Variants in ACTR2 observed in about 807,000 individuals in gnomAD.
ACTR2 encodes actin-related protein 2.
In ACTR2, 5 loss-of-function variants were observed where a neutral mutation model predicts 50.2. The observed-to-expected ratio is 0.10, with a 90% CI of 0.05 to 0.21. The LOEUF (loss-of-function observed/expected upper bound fraction) is 0.21, where lower values mean the gene tolerates loss of function less well. Ranked by LOEUF, ACTR2 falls within the 10% of genes least tolerant of loss-of-function variation. The pLI, the probability that ACTR2 is intolerant of heterozygous loss-of-function variation, is 1.00. For synonymous variants in ACTR2, 140 were observed against 162.9 expected (o/e 0.86, Z 1.07); for missense variants, 180 against 480.6 (o/e 0.37, Z 5.85).
intron 3 of ACTR2, among the ~76,000 whole-genome samples, chr2:65,250,629 C>T (rs528883741): frequency 4.2e-5 from 6 of 143,246 alleles, no homozygotes; most frequent in African/African-American, 1.3e-4. Context: ...GCCAAGATTG[C>T]GCCACTGCAC....
At chr2:65,232,251 G>T (rs28377971) in intron 1 of ACTR2, among the ~76,000 whole-genome samples, 15,423 of 152,214 alleles carry the variant, frequency 0.1, 881 homozygotes, top group Middle Eastern at 0.17. Flanking sequence ...CATCAGCATT[G>T]AGTTAGATCA....
chr2:65,246,854 T>G, intron 3 of ACTR2, 115 bp downstream of exon 3: 1 of 764,870 alleles, frequency 1.3e-6, no homozygotes, highest in South Asian at 1.9e-5. Flanking sequence ...TTCCTTCAGA[T>G]CTTATTAAGT....
At chr2:65,252,760 A>G (rs1448261472) in intron 4 of ACTR2, among the ~76,000 whole-genome samples, 1 of 152,154 alleles carries the variant, frequency 6.6e-6, no homozygotes, top group Non-Finnish European at 1.5e-5. Flanking sequence ...CTGTATCTCC[A>G]GAGTTTGAGA....
chr2:65,250,673 A>G (rs1672030720), intron 3 of ACTR2, among the ~76,000 whole-genome samples: 1 of 19,860 alleles, frequency 5.0e-5, no homozygotes, highest in African/African-American at 1.0e-4. Context: ...ACTTCATCTC[A>G]AAAAAAAAAA....
At chr2:65,243,625 C>T (rs1671881849) in intron 2 of ACTR2, among the ~76,000 whole-genome samples, 1 of 151,978 alleles carries the variant, frequency 6.6e-6, no homozygotes, top group Admixed American at 6.6e-5. Flanking sequence ...CAAAACCCTG[C>T]CTCTATTAGT....
At chr2:65,265,209 C>G (rs1190976504) in intron 8 of ACTR2, 34 bp downstream of exon 8, 1 of 1,611,066 alleles carries the variant, frequency 6.2e-7, no homozygotes, top group African/African-American at 1.3e-5. Context: ...TACTAACATT[C>G]TTTTAAAAGG....
At position 65,268,833 on chromosome 2, in the gene ACTR2, C is replaced by A; in HGVS notation, c.*99C>A. On this transcript the variant is annotated 3_prime_UTR_variant, in exon 9 of 9. Transcript: ENST00000260641. ...ACTCCAGGACATGGAAGAGGCCTCT[C>A]TCTGCCCTTTGACTGGAAAGGTCAA... 1 of 1,302,998 alleles carries A rather than the reference C, an allele frequency of 7.7e-7. No individual in the cohort carries two copies. The highest frequency in any genetic ancestry group is 1.1e-6 in the Non-Finnish European group (1 of 942,388). 80.7% of individuals were successfully genotyped at this position (1,302,998 alleles called of 1,614,324 possible).
chr2:65,267,024 C>G (rs1558630653), intron 8 of ACTR2, among the ~76,000 whole-genome samples: 1 of 152,120 alleles, frequency 6.6e-6, no homozygotes, highest in Admixed American at 6.5e-5. Flanking sequence ...AGCAATAACT[C>G]ATATTACCAA....
In ACTR2 at chr2:65,270,380, G is replaced by A. The variant is rs1248439273; in HGVS notation, c.*1646G>A. 2 of 152,492 alleles carry A rather than the reference G, an allele frequency of 1.3e-5. No homozygotes were observed. The highest frequency in any genetic ancestry group is 1.5e-5 in the Non-Finnish European group (1 of 68,020). 9.4% of individuals were successfully genotyped at this position (152,492 alleles called of 1,614,324 possible). A position where few individuals can be genotyped will look rare whatever the true frequency, so the allele number is the denominator to read the frequency against. On this transcript the variant is annotated 3_prime_UTR_variant, in exon 9 of 9. Coordinates refer to ENST00000260641, the MANE Select transcript of ACTR2 (RefSeq NM_005722.4). ...TGTTAATATTAAGTGTTTTTTGTCT[G>A]TTTTACCTCAATTTGAACAGATAAG...
At chr2:65,260,932 G>C (rs887313305) in intron 6 of ACTR2, among the ~76,000 whole-genome samples, 6 of 151,860 alleles carry the variant, frequency 4.0e-5, no homozygotes, top group Admixed American at 6.6e-5. Flanking sequence ...GGGTTTCATT[G>C]TGTTAGTCAG....
At chr2:65,268,324 G>A (rs1672424000) in intron 8 of ACTR2, among the ~76,000 whole-genome samples, 1 of 152,066 alleles carries the variant, frequency 6.6e-6, no homozygotes, top group Admixed American at 6.6e-5. Context: ...AATAATGATG[G>A]GACACCACGT....
chr2:65,255,404 G>T, intron 5 of ACTR2, 141 bp from the exon 6 acceptor site: 2 of 638,488 alleles, frequency 3.1e-6, no homozygotes, highest in East Asian at 2.8e-5. Flanking sequence ...ATAAAATCCT[G>T]CTTCTGAAAT....
chr2:65,251,530 T>G (rs988651718), intron 4 of ACTR2, among the ~76,000 whole-genome samples: 1 of 152,142 alleles, frequency 6.6e-6, no homozygotes, highest in Non-Finnish European at 1.5e-5. Flanking sequence ...CCTGGCTAAT[T>G]TTGTATTTTT....
At chr2:65,237,412 T>G (rs1558620787) in intron 1 of ACTR2, among the ~76,000 whole-genome samples, 1 of 152,206 alleles carries the variant, frequency 6.6e-6, no homozygotes, top group East Asian at 1.9e-4. Context: ...TTTAAATTTT[T>G]TGTAATTTTT....
rs1466557635 is a variant in ACTR2, at chr2:65,270,130, A to T, written c.*1396A>T. 6.6e-6 allele frequency: 1 copy of T among 152,252 alleles called. No individual in the cohort carries two copies. Among genetic ancestry groups the T allele is most frequent in the East Asian group, 1.9e-4 (1 of 5,198 alleles). 9.4% of individuals were successfully genotyped at this position (152,252 alleles called of 1,614,324 possible). ...TGAGTTATTTCTAAGTTTGAAAAAT[A>T]AAAAGAAATTGCATCACACTAATTA... is the stretch of plus-strand genomic sequence containing the variant. On this transcript the variant is annotated 3_prime_UTR_variant, in exon 9 of 9. Coordinates refer to ENST00000260641, the MANE Select transcript of ACTR2 (RefSeq NM_005722.4).
rs185560477 is a variant in ACTR2, at chr2:65,267,829, A to C, written c.1015-735A>C. Among the ~76,000 whole-genome samples, 34 of 145,874 alleles carry C rather than the reference A, an allele frequency of 2.3e-4. No individual in the cohort carries two copies. In the East Asian group the frequency reaches 6.5e-3, roughly 28 times the overall value. On this transcript the variant is annotated intron_variant, in intron 8 of 8. Transcript: ENST00000260641. ...TATTGCCCTGGACTAGAATCATAAC[A>C]GTATGAGACCTTGAAGAAGTCATGC... is the stretch of plus-strand genomic sequence containing the variant.
chr2:65,238,842 C>T (rs1390516271), intron 1 of ACTR2, among the ~76,000 whole-genome samples: 1 of 151,850 alleles, frequency 6.6e-6, no homozygotes, highest in Non-Finnish European at 1.5e-5. Context: ...GTGGTGGGTG[C>T]CTGTAATCCC....
At position 65,270,212 on chromosome 2, in the gene ACTR2, A is replaced by T. The variant is rs1233134837; in HGVS notation, c.*1478A>T. The T allele has an allele frequency of 2.0e-5, 3 of 152,552 alleles. No individual in the cohort carries two copies. Among genetic ancestry groups the T allele is most frequent in the Non-Finnish European group, 2.9e-5 (2 of 68,034 alleles). The allele number at this position is 152,552 out of a possible 1,614,324, so 9.4% of individuals were successfully genotyped here. ...TTCATTTTAAAACTTTTTTTTAACT[A>T]ATAATAGCTTTGAAAGAAGAGGCTT... On this transcript the variant is annotated 3_prime_UTR_variant, in exon 9 of 9. Transcript: ENST00000260641.
intron 3 of ACTR2, among the ~76,000 whole-genome samples, chr2:65,248,406 A>T (rs1039898187): frequency 8.2e-4 from 125 of 152,124 alleles, no homozygotes; most frequent in Admixed American, 4.5e-3. Context: ...TCTCAAAAAG[A>T]AAAAAAGGGA....
Sources: gnomAD v4.1 joint callset for allele counts (sites outside exome capture counted in the v4.1 genomes callset) on GRCh38, gnomAD v4.1.1 for gene constraint, MANE v1.5 for transcripts, NCBI Gene and HGNC (gene_info 2026-07-23, HGNC 2026-07-21) for gene names.